C2orf69: variants seen among roughly 807,000 people sequenced by gnomAD.
C2orf69 encodes chromosome 2 open reading frame 69, also known as mitochondrial protein C2orf69.
Under a neutral mutation model 29.5 loss-of-function variants are expected in C2orf69, and 19 were observed. The ratio of observed to expected loss-of-function variants is 0.65; its 90% confidence interval spans 0.45 to 0.95. C2orf69 has a LOEUF of 0.95. Among genes scored for constraint, C2orf69 ranks in the 40% least tolerant of loss-of-function variants. C2orf69 has a pLI of 0.00. For synonymous variants in C2orf69, 194 were observed against 180.0 expected, an observed-to-expected ratio of 1.08 and a Z score of -0.62; for missense variants, 416 against 482.1, an observed-to-expected ratio of 0.86 and a Z score of 1.28.
rs1048906034 is a variant in C2orf69 at position 199,926,950 on chromosome 2, A to G, written c.*1064A>G. On this transcript the variant is annotated 3_prime_UTR_variant, in exon 2 of 2. Transcript: ENST00000319974. The stretch of plus-strand genomic sequence containing the variant: ...AAACAGATTCCATAGATCTAAGTCA[A>G]TGTTTCTCCAGAAGCATGATTTTGT... 5.2e-5 allele frequency: 8 copies of G among 152,638 alleles called. No individual in the cohort carries two copies. The highest frequency in any genetic ancestry group is 8.8e-5 in the Non-Finnish European group (6 of 68,030). The allele number at this position is 152,638 out of a possible 1,614,324, so 9.5% of individuals were successfully genotyped here. A position where few individuals can be genotyped will look rare whatever the true frequency, so the allele number is the denominator to read the frequency against.
At chr2:199,912,917 A>G (rs1461695099) in intron 1 of C2orf69, among the ~76,000 whole-genome samples, 1 of 151,870 alleles carries the variant, frequency 6.6e-6, no homozygotes, top group Non-Finnish European at 1.5e-5. Flanking sequence ...CTGGGATTAT[A>G]GGTGTGAGCC....
rs62178345 is a variant in C2orf69, at chr2:199,911,630, T to C, written c.192T>C (p.Asp64=). 135 of 1,549,382 alleles carry C rather than the reference T, an allele frequency of 8.7e-5. No homozygotes were observed. The Admixed American group carries it at 1.3e-3, about 15-fold the overall frequency. ...CLQLSTVPGA[D]PQRSNELLLL... ...AGCTTTCCACCGTGCCTGGAGCCGA[T>C]CCGCAGCGCAGCAACGAATTGCTCC... The change falls in exon 1 of 2, where the codon GAT becomes GAC. Residue 64 remains aspartate (D), a synonymous_variant. Transcript: ENST00000319974.
chr2:199,916,704 A>T (rs2106636382), intron 1 of C2orf69, among the ~76,000 whole-genome samples: 1 of 152,378 alleles, frequency 6.6e-6, no homozygotes, highest in Admixed American at 6.5e-5. Flanking sequence ...TTAAAGTTCC[A>T]AAATGATCTC....
chr2:199,916,584 G>A (rs914180122), intron 1 of C2orf69, among the ~76,000 whole-genome samples: 2 of 151,938 alleles, frequency 1.3e-5, no homozygotes, highest in Admixed American at 1.3e-4. Flanking sequence ...GATACAATGG[G>A]GATACAGGCA....
At position 199,924,870 on chromosome 2, in the gene C2orf69, C is replaced by A. The variant is rs370115501; in HGVS notation, c.334-192C>A. On this transcript the variant is annotated intron_variant, in intron 1 of 1. Coordinates refer to ENST00000319974, the MANE Select transcript of C2orf69 (RefSeq NM_153689.6). ...TCTCTTGATAGATTTCAGGCTTAAACTGAAGAAGTAATTGGTTCAAAAATC... is the reference window on the plus strand; with the variant it reads ...TCTCTTGATAGATTTCAGGCTTAAAATGAAGAAGTAATTGGTTCAAAAATC... Among the ~76,000 whole-genome samples, 4 of 152,082 alleles carry A rather than the reference C, an allele frequency of 2.6e-5. No individual in the cohort carries two copies. In the East Asian group the frequency reaches 5.8e-4, roughly 22 times the overall value.
chr2:199,911,468 G>C lies in C2orf69; in HGVS notation c.30G>C (p.Pro10=), dbSNP rs921478144. 2 of 1,544,874 alleles carry C rather than the reference G, an allele frequency of 1.3e-6. No individual in the cohort carries two copies. Among genetic ancestry groups the C allele is most frequent in the Admixed American group, 4.0e-5 (2 of 50,558 alleles). MWGFRLLRS[P]PLLLLLPQLG... ...GGGGGTTCAGGCTCCTGCGGTCGCCGCCGTTGCTGCTCCTGCTGCCGCAGC... is the reference window on the plus strand; with the variant it reads ...GGGGGTTCAGGCTCCTGCGGTCGCCCCCGTTGCTGCTCCTGCTGCCGCAGC... The change falls in exon 1 of 2, where the codon CCG becomes CCC. Residue 10 remains proline, a synonymous_variant. Transcript: ENST00000319974.
At chr2:199,922,970 C>T (rs1395892077) in intron 1 of C2orf69, among the ~76,000 whole-genome samples, 1 of 152,192 alleles carries the variant, frequency 6.6e-6, no homozygotes, top group Non-Finnish European at 1.5e-5. Context: ...CATCTCTCTG[C>T]CCCCCTTTGT....
chr2:199,925,157 C>T lies in C2orf69; in HGVS notation c.429C>T (p.Pro143=). 6.2e-7 allele frequency: 1 copy of T among 1,611,908 alleles called. No homozygotes were observed. The highest frequency in any genetic ancestry group is 8.5e-7 in the Non-Finnish European group (1 of 1,178,450). ...CTACCATTTTAGCCCACCGGTTCCCCAATAGTTATATTTGGGTGATAAAAT... is the reference window on the plus strand; with the variant it reads ...CTACCATTTTAGCCCACCGGTTCCCTAATAGTTATATTTGGGTGATAAAAT... The part of the protein sequence containing the change: ...NVATILAHRF[P]NSYIWVIKCS... The change falls in exon 2 of 2, where the codon CCC becomes CCT. Residue 143 remains proline (P), a synonymous_variant. Coordinates refer to ENST00000319974, the MANE Select transcript of C2orf69 (RefSeq NM_153689.6). This position sits in a 1 kb window ranked among gnomAD's most constrained non-coding sequence, Gnocchi z 4.9.
At position 199,928,096 on chromosome 2, in the gene C2orf69, T is replaced by C. The variant is rs1559296352; in HGVS notation, c.*2210T>C. ...TTGATCCATATTCAGATGTTTTCTG[T>C]TTAATACTTCAGATTGGTCCTTTGT... On this transcript the variant is annotated 3_prime_UTR_variant, in exon 2 of 2. Transcript: ENST00000319974. 1 of 152,576 alleles carries C rather than the reference T, an allele frequency of 6.6e-6. No individual in the cohort carries two copies. Among genetic ancestry groups the C allele is most frequent in the Non-Finnish European group, 1.5e-5 (1 of 67,998 alleles). The allele number at this position is 152,576 out of a possible 1,614,324, so 9.5% of individuals were successfully genotyped here.
At chr2:199,913,357 A>T (rs1164379675) in intron 1 of C2orf69, among the ~76,000 whole-genome samples, 4 of 63,008 alleles carry the variant, frequency 6.3e-5, no homozygotes, top group African/African-American at 1.8e-4. Context: ...TATTATATAT[A>T]ATATATTCTA....
At chr2:199,913,996 A>G (rs2077284230) in intron 1 of C2orf69, among the ~76,000 whole-genome samples, 1 of 152,330 alleles carries the variant, frequency 6.6e-6, no homozygotes. Context: ...CAATTGTTAC[A>G]TCTCTCTGTG....
chr2:199,921,916 AATGTGC>A (rs2077317632), intron 1 of C2orf69, among the ~76,000 whole-genome samples: 1 of 151,044 alleles, frequency 6.6e-6, no homozygotes, highest in Non-Finnish European at 1.5e-5. Context: ...AAATAGAGAA[AATGTGC>A]ATGTTGCTAA....
intron 1 of C2orf69, among the ~76,000 whole-genome samples, chr2:199,919,695 A>G (rs1574781675): frequency 6.6e-6 from 1 of 152,204 alleles, no homozygotes; most frequent in South Asian, 2.1e-4. Flanking sequence ...CCTTTTATCA[A>G]GAACCATTAA....
intron 1 of C2orf69, among the ~76,000 whole-genome samples, chr2:199,924,848 CTT>C (rs148631705): frequency 0.021 from 3,198 of 152,192 alleles, 44 homozygotes; most frequent in Non-Finnish European, 0.034. Flanking sequence ...TTCCTTGTCT[CTT>C]GATAGATTTC....
Position 199,925,677 on chromosome 2 carries a change from T to C in C2orf69, c.949T>C (p.Leu317=). Residue 317 remains leucine (L), a synonymous_variant, in exon 2 of 2, where the codon TTG becomes CTG. Coordinates refer to ENST00000319974, the MANE Select transcript of C2orf69 (RefSeq NM_153689.6). The surrounding 1 kb of genome is among the most constrained non-coding windows in gnomAD (Gnocchi z 4.9). ...TACTTGGGTTACTTATCCAGAAGTCTTGAAAGAATTTGCACAAACAGGAAT... is the reference window on the plus strand; with the variant it reads ...TACTTGGGTTACTTATCCAGAAGTCCTGAAAGAATTTGCACAAACAGGAAT... ...SNTWVTYPEV[L]KEFAQTGIIV... 1 of 1,613,936 alleles carries C rather than the reference T, an allele frequency of 6.2e-7. No individual in the cohort carries two copies. The highest frequency in any genetic ancestry group is 8.5e-7 in the Non-Finnish European group (1 of 1,179,816).
At chr2:199,916,928 A>C (rs946926500) in intron 1 of C2orf69, among the ~76,000 whole-genome samples, 101 of 152,332 alleles carry the variant, frequency 6.6e-4, no homozygotes, top group African/African-American at 2.4e-3. Context: ...GCAGTGCCCC[A>C]GTAGGGAAGT....
In C2orf69 at chr2:199,921,006, T is replaced by TG. The variant is rs2077313720; in HGVS notation, c.334-4056_334-4055insG. Among the ~76,000 whole-genome samples, 13 of 125,554 alleles carry TG rather than the reference T, an allele frequency of 1.0e-4. No individual in the cohort carries two copies. In the South Asian group the frequency reaches 3.7e-3, roughly 36 times the overall value. The allele number at this position is 125,554 out of a possible 152,430, so 82.4% of individuals were successfully genotyped here. A position where few individuals can be genotyped will look rare whatever the true frequency, so the allele number is the denominator to read the frequency against. Reference sequence around the variant, plus strand: ...TGTTGGCCTTCTAGGAATTAGTTTTTTTTTTTTTTTTTTTTTTTGAGGTGG... The same window carrying TG: ...TGTTGGCCTTCTAGGAATTAGTTTTTGTTTTTTTTTTTTTTTTTTGAGGTGG... On this transcript the variant is annotated intron_variant, in intron 1 of 1. Coordinates refer to ENST00000319974, the MANE Select transcript of C2orf69 (RefSeq NM_153689.6).
At chr2:199,915,713 C>T (rs1343580976) in intron 1 of C2orf69, among the ~76,000 whole-genome samples, 2 of 151,862 alleles carry the variant, frequency 1.3e-5, no homozygotes, top group Non-Finnish European at 1.5e-5. Context: ...GATGGGGTTT[C>T]ACCATGTTGA....
chr2:199,912,514 C>T (rs1049864165), intron 1 of C2orf69, among the ~76,000 whole-genome samples: 3 of 152,136 alleles, frequency 2.0e-5, no homozygotes, highest in African/African-American at 7.2e-5. Flanking sequence ...ATTTCAAGTG[C>T]TCAGTAGCTA....
Sources: gnomAD v4.1 joint callset for allele counts (sites outside exome capture counted in the v4.1 genomes callset) on GRCh38, gnomAD v4.1.1 for gene constraint, Gnocchi (gnomAD v3.1) non-coding constraint, MANE v1.5 for transcripts, NCBI Gene and HGNC (gene_info 2026-07-23, HGNC 2026-07-21) for gene names.